The following UBE2D2 variants were observed in gnomAD, a reference collection of about 807,000 sequenced individuals.
UBE2D2 encodes the protein ubiquitin conjugating enzyme E2 D2.
Under a neutral mutation model 24.2 loss-of-function variants are expected in UBE2D2, and 2 were observed. That is an observed-to-expected ratio of 0.08 (90% CI 0.03 to 0.26). The LOEUF is 0.26. Ranked by LOEUF, UBE2D2 falls within the 10% of genes least tolerant of loss-of-function variation. The pLI, the probability that UBE2D2 is intolerant of heterozygous loss-of-function variation, is 1.00. For synonymous variants in UBE2D2, 58 were observed against 56.5 expected (o/e 1.03, Z -0.12); for missense variants, 44 against 177.6 (o/e 0.25, Z 4.28).
chr5:139,554,120 C>T (rs1217784689), intron 1 of UBE2D2, among the ~76,000 whole-genome samples: 1 of 152,146 alleles, frequency 6.6e-6, no homozygotes, highest in Non-Finnish European at 1.5e-5. Flanking sequence ...ACTTGTATAA[C>T]CTCCAACCAA....
intron 1 of UBE2D2, 176 bp downstream of exon 1, chr5:139,561,991 G>C (rs1753110930): frequency 3.1e-6 from 3 of 977,410 alleles, no homozygotes; most frequent in Non-Finnish European, 4.2e-6. Flanking sequence ...GCCCCGGCGC[G>C]CAGCCCGCGC....
intron 5 of UBE2D2, among the ~76,000 whole-genome samples, chr5:139,617,981 G>GT (rs1258283950): frequency 4.6e-4 from 69 of 149,554 alleles, no homozygotes; most frequent in South Asian, 2.1e-3. Context: ...ATTATTATTT[G>GT]TTTTTTTTTG....
At chr5:139,605,984 C>T (rs1754191614) in intron 2 of UBE2D2, among the ~76,000 whole-genome samples, 1 of 152,088 alleles carries the variant, frequency 6.6e-6, no homozygotes, top group Admixed American at 6.6e-5. Context: ...CTCAAGTGAT[C>T]CTCCTGCCTC....
chr5:139,577,580 A>G (rs977415476), intron 1 of UBE2D2, among the ~76,000 whole-genome samples: 2 of 151,788 alleles, frequency 1.3e-5, no homozygotes, highest in Middle Eastern at 3.2e-3. Flanking sequence ...CGTCTGGCTA[A>G]TTATTGTATT....
chr5:139,588,850 C>A (rs1753786056), intron 1 of UBE2D2, among the ~76,000 whole-genome samples: 1 of 152,108 alleles, frequency 6.6e-6, no homozygotes, highest in Non-Finnish European at 1.5e-5. Flanking sequence ...GCAGCCTCGA[C>A]CTCCTGGGCT....
intron 1 of UBE2D2, among the ~76,000 whole-genome samples, chr5:139,528,926 C>T (rs1012531293): frequency 9.2e-5 from 14 of 152,122 alleles, no homozygotes; most frequent in Non-Finnish European, 1.8e-4. Context: ...AAGAAGATGA[C>T]AAGCCCTGCT....
intron 1 of UBE2D2, among the ~76,000 whole-genome samples, chr5:139,584,924 C>T (rs1281046651): frequency 1.6e-5 from 2 of 128,986 alleles, no homozygotes; most frequent in African/African-American, 2.9e-5. Flanking sequence ...TTTTGAGACA[C>T]AGGTTCGCTC....
intron 1 of UBE2D2, among the ~76,000 whole-genome samples, chr5:139,572,463 G>A (rs1436572542): frequency 6.6e-6 from 1 of 152,006 alleles, no homozygotes; most frequent in Non-Finnish European, 1.5e-5. Context: ...AGGTGCAGTG[G>A]CATGTGCCTG....
At chr5:139,532,598 G>A (rs191465162) in intron 1 of UBE2D2, among the ~76,000 whole-genome samples, 5,686 of 151,868 alleles carry the variant, frequency 0.037, 133 homozygotes, top group Non-Finnish European at 0.058. Context: ...TGATCCGCCC[G>A]CCTTGGCCTC....
intron 1 of UBE2D2, among the ~76,000 whole-genome samples, chr5:139,546,800 T>TTTC (rs1752833169): frequency 2.5e-4 from 37 of 150,870 alleles, no homozygotes; most frequent in South Asian, 4.3e-4. Context: ...ATTTTCTTTC[T>TTTC]TTCTTTCTTC....
intron 5 of UBE2D2, among the ~76,000 whole-genome samples, chr5:139,617,322 G>A (rs1754439478): frequency 6.6e-6 from 1 of 150,458 alleles, no homozygotes; most frequent in African/African-American, 2.4e-5. Context: ...TCCAGAAATA[G>A]ACAAGCAATG....
intron 1 of UBE2D2, among the ~76,000 whole-genome samples, chr5:139,589,816 G>T (rs1353614194): frequency 1.3e-5 from 2 of 151,672 alleles, no homozygotes; most frequent in African/African-American, 2.4e-5. Context: ...ACGGAGTCTT[G>T]CTCCGTCGCC....
rs1273365432 is a variant in UBE2D2 at position 139,571,937 on chromosome 5, A to G, written c.24+10122A>G. ...TCGAAGGTTTTCCCCTATAAAAAAAAAAAAAGCAGTAAAATAACTTTTTAA... is the reference window on the plus strand; with the variant it reads ...TCGAAGGTTTTCCCCTATAAAAAAAGAAAAAGCAGTAAAATAACTTTTTAA... On this transcript the variant is annotated intron_variant, in intron 1 of 6. Transcript: ENST00000398733. Among the ~76,000 whole-genome samples, 4 of 151,984 alleles carry G rather than the reference A, an allele frequency of 2.6e-5. 1 individual carries two copies. Among genetic ancestry groups the G allele is most frequent in the African/African-American group, 9.7e-5 (4 of 41,396 alleles).
rs536622474 is a variant in UBE2D2, at chr5:139,627,850, T to C, written c.*1049T>C. The C allele has an allele frequency of 4.3e-4, 65 of 152,774 alleles. No individual in the cohort carries two copies. Among genetic ancestry groups the C allele is most frequent in the African/African-American group, 1.5e-3 (63 of 41,586 alleles). The allele number at this position is 152,774 out of a possible 1,614,324, so 9.5% of individuals were successfully genotyped here. ...GTAAAAAGGATATCTTACGAGTAAT[T>C]TTATTGAACAAGTTAGAGGCATAAG... On this transcript the variant is annotated 3_prime_UTR_variant, in exon 7 of 7. Transcript: ENST00000398733.
intron 1 of UBE2D2, among the ~76,000 whole-genome samples, chr5:139,539,295 T>G (rs1163133848): frequency 1.3e-5 from 2 of 152,044 alleles, no homozygotes; most frequent in Non-Finnish European, 1.5e-5. Context: ...AGTGCTAGGA[T>G]TACAGGCATG....
chr5:139,565,176 C>T (rs557644141), intron 1 of UBE2D2, among the ~76,000 whole-genome samples: 1 of 152,280 alleles, frequency 6.6e-6, no homozygotes, highest in Admixed American at 6.5e-5. Context: ...CTAAGAAAAA[C>T]TACATTTGAC....
At chr5:139,604,099 A>G (rs1175611430) in intron 2 of UBE2D2, among the ~76,000 whole-genome samples, 3 of 152,122 alleles carry the variant, frequency 2.0e-5, no homozygotes, top group Non-Finnish European at 4.4e-5. Context: ...GTTGCAAGTC[A>G]TATATCTCAT....
chr5:139,613,245 A>C, intron 2 of UBE2D2, among the ~76,000 whole-genome samples: 1 of 152,208 alleles, frequency 6.6e-6, no homozygotes, highest in Non-Finnish European at 1.5e-5. Flanking sequence ...ATTTGGACTG[A>C]CATTCTGGTG....
intron 1 of UBE2D2, among the ~76,000 whole-genome samples, chr5:139,545,807 T>G (rs1392045279): frequency 6.6e-6 from 1 of 151,222 alleles, no homozygotes; most frequent in East Asian, 1.9e-4. Context: ...CACTGTAACC[T>G]CCATCTCCCA....
Sources: gnomAD v4.1 joint callset for allele counts (sites outside exome capture counted in the v4.1 genomes callset) on GRCh38, gnomAD v4.1.1 for gene constraint, MANE v1.5 for transcripts, NCBI Gene and HGNC (gene_info 2026-07-23, HGNC 2026-07-21) for gene names.